Variants in NAALADL2 observed in about 807,000 individuals in gnomAD.
NAALADL2 encodes N-acetylated alpha-linked acidic dipeptidase like 2.
NAALADL2 carries 76 observed loss-of-function variants against 87.2 expected under a neutral mutation model. That is an observed-to-expected ratio of 0.87 (90% CI 0.72 to 1.05). The LOEUF (loss-of-function observed/expected upper bound fraction) is 1.05, where lower values mean the gene tolerates loss of function less well. Among genes scored for constraint, NAALADL2 ranks in the 50% least tolerant of loss-of-function variants. The pLI is 0.00. For missense variants in NAALADL2, 1,089 were observed against 945.8 expected (o/e 1.15, Z -1.99); for synonymous variants, 354 against 331.0 (o/e 1.07, Z -0.75).
chr3:174,904,104 TA>T (rs1732673117), intron 1 of NAALADL2, among the ~76,000 whole-genome samples: 1 of 151,754 alleles, frequency 6.6e-6, no homozygotes, highest in African/African-American at 2.4e-5. Flanking sequence ...TATATGTAGT[TA>T]AACATCTCTA....
intron 5 of NAALADL2, among the ~76,000 whole-genome samples, chr3:175,397,620 T>G (rs1387076102): frequency 6.6e-6 from 1 of 152,140 alleles, no homozygotes; most frequent in Non-Finnish European, 1.5e-5. Context: ...TCTTATTCTC[T>G]AACAGCAACA....
intron 4 of NAALADL2, among the ~76,000 whole-genome samples, chr3:175,292,388 A>C (rs1340490327): frequency 6.6e-6 from 1 of 152,198 alleles, no homozygotes; most frequent in African/African-American, 2.4e-5. Flanking sequence ...TTAAAATATA[A>C]CTGCACTTTG....
intron 1 of NAALADL2, among the ~76,000 whole-genome samples, chr3:174,536,845 T>C (rs1425980829): frequency 6.6e-6 from 1 of 152,186 alleles, no homozygotes; most frequent in Non-Finnish European, 1.5e-5. Flanking sequence ...ATTGTTTCCA[T>C]TACAAAACAT....
chr3:174,697,604 G>GAAC (rs1281382113), intron 2 of NAALADL2, among the ~76,000 whole-genome samples: 2 of 152,130 alleles, frequency 1.3e-5, no homozygotes, highest in African/African-American at 4.8e-5. Flanking sequence ...TGTAATATTA[G>GAAC]AACTGAGGCA....
chr3:175,207,344 A>G (rs180742504), intron 2 of NAALADL2, among the ~76,000 whole-genome samples: 118 of 148,896 alleles, frequency 7.9e-4, no homozygotes, highest in African/African-American at 3.0e-3. Context: ...AAGATAATTA[A>G]AAAAAAAGAG....
At chr3:175,612,515 C>G (rs554034049) in intron 10 of NAALADL2, among the ~76,000 whole-genome samples, 35 of 152,204 alleles carry the variant, frequency 2.3e-4, no homozygotes, top group African/African-American at 8.4e-4. Flanking sequence ...CAGGATTTGA[C>G]GAATGTATTT....
Position 174,695,437 on chromosome 3 carries a change from A to G in NAALADL2, c.-114-42204A>G, listed in dbSNP as rs116503437. 5.3e-3 allele frequency among the ~76,000 whole-genome samples: 799 copies of G among 151,784 alleles called. 11 individuals carry two copies. The highest frequency in any genetic ancestry group is 0.018 in the African/African-American group (753 of 41,442). On this transcript the variant is annotated intron_variant, in intron 2 of 3. Coordinates refer to the NAALADL2 transcript ENST00000434257. Reference sequence around the variant, plus strand: ...AAGATCATTTTTGATATAACCAGTAACTCTTCTGCTTTCTGTTGTCCTTTT... The same window carrying G: ...AAGATCATTTTTGATATAACCAGTAGCTCTTCTGCTTTCTGTTGTCCTTTT...
At chr3:175,181,164 T>C (rs1404799047) in intron 2 of NAALADL2, among the ~76,000 whole-genome samples, 1 of 152,076 alleles carries the variant, frequency 6.6e-6, no homozygotes, top group Non-Finnish European at 1.5e-5. Flanking sequence ...TGTATCTCCC[T>C]GTGATCTAGA....
At chr3:174,582,776 G>T (rs1244486730) in intron 2 of NAALADL2, among the ~76,000 whole-genome samples, 3 of 152,102 alleles carry the variant, frequency 2.0e-5, no homozygotes, top group African/African-American at 4.8e-5. Context: ...TAGAGATGGG[G>T]TTTCACCATG....
At chr3:175,608,645 T>A (rs548371032) in intron 10 of NAALADL2, among the ~76,000 whole-genome samples, 1 of 152,020 alleles carries the variant, frequency 6.6e-6, no homozygotes, top group Non-Finnish European at 1.5e-5. Context: ...GTAGGAGTTA[T>A]GAAATTTGGG....
At chr3:175,173,605 C>A (rs560237279) in intron 2 of NAALADL2, among the ~76,000 whole-genome samples, 2 of 152,322 alleles carry the variant, frequency 1.3e-5, no homozygotes, top group African/African-American at 4.8e-5. Context: ...ATATTTGATA[C>A]ATGTTTTCCA....
chr3:174,829,647 G>A (rs1722424193), intron 3 of NAALADL2, among the ~76,000 whole-genome samples: 1 of 142,396 alleles, frequency 7.0e-6, no homozygotes, highest in East Asian at 2.0e-4. Flanking sequence ...GGGATGGCTG[G>A]GTCAAATGGT....
At chr3:175,122,217 A>G (rs940739813) in intron 2 of NAALADL2, among the ~76,000 whole-genome samples, 3 of 151,842 alleles carry the variant, frequency 2.0e-5, no homozygotes, top group Non-Finnish European at 4.4e-5. Flanking sequence ...ATAGAGGGCC[A>G]TTCTGCATAC....
intron 9 of NAALADL2, among the ~76,000 whole-genome samples, chr3:175,514,969 A>G (rs1731643629): frequency 6.6e-6 from 1 of 152,314 alleles, no homozygotes; most frequent in East Asian, 1.9e-4. Flanking sequence ...GCTATAATAT[A>G]TGTATAAATC....
At chr3:175,125,928 G>A (rs991916559) in intron 2 of NAALADL2, among the ~76,000 whole-genome samples, 1 of 152,032 alleles carries the variant, frequency 6.6e-6, no homozygotes, top group Non-Finnish European at 1.5e-5. Flanking sequence ...TTTTAATGAG[G>A]CAGAACCAGC....
chr3:175,267,189 C>A (rs1266474771), intron 4 of NAALADL2, among the ~76,000 whole-genome samples: 2 of 151,904 alleles, frequency 1.3e-5, no homozygotes, highest in Admixed American at 6.6e-5. Context: ...AGGTTATAGG[C>A]AAAACATATA....
At chr3:174,759,013 T>C (rs1233444450) in intron 3 of NAALADL2, among the ~76,000 whole-genome samples, 3 of 152,336 alleles carry the variant, frequency 2.0e-5, no homozygotes, top group Admixed American at 1.3e-4. Context: ...GCAAACATTC[T>C]ATCTAGTTAA....
intron 3 of NAALADL2, among the ~76,000 whole-genome samples, chr3:174,751,568 CAGG>C (rs1274218984): frequency 6.7e-6 from 1 of 149,210 alleles, no homozygotes; most frequent in Non-Finnish European, 1.5e-5. Context: ...GTGGCTGAGG[CAGG>C]AGAATTGCTT....
At chr3:175,713,293 C>T (rs1740780037) in intron 11 of NAALADL2, among the ~76,000 whole-genome samples, 1 of 145,676 alleles carries the variant, frequency 6.9e-6, no homozygotes, top group Non-Finnish European at 1.5e-5. Flanking sequence ...CTTGCCCACC[C>T]AACAGTTATT....
Sources: allele counts gnomAD v4.1 joint callset (sites outside exome capture counted in the v4.1 genomes callset), GRCh38; gene constraint gnomAD v4.1.1; transcripts MANE v1.5; gene names NCBI Gene and HGNC (gene_info 2026-07-23, HGNC 2026-07-21).